The following LRMDA variants were observed in gnomAD, a reference collection of about 807,000 sequenced individuals.
LRMDA encodes leucine-rich melanocyte differentiation-associated protein.
Under a neutral mutation model 29.8 loss-of-function variants are expected in LRMDA, and 18 were observed. The ratio of observed to expected loss-of-function variants is 0.60; its 90% CI spans 0.42 to 0.90. LRMDA has a LOEUF of 0.90. Ranked by LOEUF, LRMDA falls within the 40% of genes least tolerant of loss-of-function variation. LRMDA has a pLI of 0.00. For missense variants in LRMDA, 273 were observed against 273.9 expected, an observed-to-expected ratio of 1.00 and a Z score of 0.02; for synonymous variants, 125 against 109.4, an observed-to-expected ratio of 1.14 and a Z score of -0.89.
At chr10:75,620,933 A>C (rs1294087944) in intron 2 of LRMDA, among the ~76,000 whole-genome samples, 1 of 152,138 alleles carries the variant, frequency 6.6e-6, no homozygotes, top group Non-Finnish European at 1.5e-5. Flanking sequence ...TTTGGTGCAC[A>C]CATCACCTGA....
intron 2 of LRMDA, among the ~76,000 whole-genome samples, chr10:75,523,917 G>C (rs1019383197): frequency 1.3e-5 from 2 of 152,112 alleles, no homozygotes; most frequent in African/African-American, 4.8e-5. Flanking sequence ...ATCTGAAAAC[G>C]TGGAGTTGGA....
intron 2 of LRMDA, among the ~76,000 whole-genome samples, chr10:75,632,647 C>T (rs2132113883): frequency 6.6e-6 from 1 of 152,038 alleles, no homozygotes; most frequent in Non-Finnish European, 1.5e-5. Flanking sequence ...CTTTTTTTCC[C>T]TGATATGTGC....
chr10:76,559,629 G>A lies in LRMDA; in HGVS notation c.*2341G>A, dbSNP rs1212319211. On this transcript the variant is annotated 3_prime_UTR_variant, in exon 7 of 7. Transcript: ENST00000611255. Reference sequence around the variant, plus strand: ...GGCAGAGGTAGAACCCATGTTGCATGTTTATCCTAAATCTGTAGGAATTTC... The same window carrying A: ...GGCAGAGGTAGAACCCATGTTGCATATTTATCCTAAATCTGTAGGAATTTC... The A allele has an allele frequency of 2.6e-5, 4 of 152,202 alleles. No homozygotes were observed. Among genetic ancestry groups the A allele is most frequent in the Non-Finnish European group, 5.9e-5 (4 of 68,032 alleles). 9.4% of individuals were successfully genotyped at this position (152,202 alleles called of 1,614,324 possible).
At chr10:76,532,191 G>A (rs574558642) in intron 6 of LRMDA, among the ~76,000 whole-genome samples, 4 of 151,848 alleles carry the variant, frequency 2.6e-5, no homozygotes, top group Admixed American at 6.6e-5. Flanking sequence ...CATACCCCCC[G>A]ACAGGCCCTG....
At chr10:75,721,866 A>G (rs1040790913) in intron 2 of LRMDA, among the ~76,000 whole-genome samples, 2 of 152,232 alleles carry the variant, frequency 1.3e-5, no homozygotes, top group Non-Finnish European at 2.9e-5. Context: ...TGCTTTTTGC[A>G]TAGATCTTCG....
At chr10:76,319,773 C>T (rs532449553) in intron 5 of LRMDA, among the ~76,000 whole-genome samples, 1 of 152,094 alleles carries the variant, frequency 6.6e-6, no homozygotes, top group Admixed American at 6.5e-5. Context: ...TTTCCCAGAC[C>T]CAGGATCACT....
In LRMDA at chr10:76,208,521, C is replaced by A. The variant is rs572310385; in HGVS notation, c.517-115880C>A. Among the ~76,000 whole-genome samples, 21 of 152,318 alleles carry A rather than the reference C, an allele frequency of 1.4e-4. No homozygotes were observed. The South Asian group carries it at 4.1e-3, about 30-fold the overall frequency. On this transcript the variant is annotated intron_variant, in intron 5 of 6. Coordinates refer to ENST00000611255, the MANE Select transcript of LRMDA (RefSeq NM_001305581.2). ...AGTGGAACTGAATTCTACCAGCAAC[C>A]TGACTGGGGCTAAGAAGGGACAGAT...
intron 2 of LRMDA, among the ~76,000 whole-genome samples, chr10:75,568,528 CTG>C (rs764876748): frequency 3.9e-5 from 6 of 152,178 alleles, no homozygotes; most frequent in Non-Finnish European, 7.3e-5. Flanking sequence ...CAAGAGAACA[CTG>C]TGGTAAGAAG....
intron 6 of LRMDA, among the ~76,000 whole-genome samples, chr10:76,371,994 T>A (rs1841460066): frequency 6.6e-6 from 1 of 152,220 alleles, no homozygotes; most frequent in Non-Finnish European, 1.5e-5. Flanking sequence ...GGGTGCTTTG[T>A]CTTGTACTTG....
rs189008309 is a variant in LRMDA, at chr10:75,589,296, T to C, written c.131+150802T>C. On this transcript the variant is annotated intron_variant, in intron 2 of 6. Transcript: ENST00000611255. ...TATTAAACTTTTGGATTTGGGCCAATATGATAGGTAAAAGAATGTTTTCTT... is the reference window on the plus strand; with the variant it reads ...TATTAAACTTTTGGATTTGGGCCAACATGATAGGTAAAAGAATGTTTTCTT... Among the ~76,000 whole-genome samples the C allele has an allele frequency of 6.6e-5, 10 of 152,318 alleles. 1 individual carries two copies. The highest frequency in any genetic ancestry group is 2.4e-4 in the African/African-American group (10 of 41,582).
At chr10:75,608,746 T>TG (rs1392546942) in intron 2 of LRMDA, among the ~76,000 whole-genome samples, 1 of 152,124 alleles carries the variant, frequency 6.6e-6, no homozygotes, top group Non-Finnish European at 1.5e-5. Context: ...AACTGTGAAG[T>TG]GGGGGGCATA....
intron 2 of LRMDA, among the ~76,000 whole-genome samples, chr10:75,546,973 G>T (rs1458685628): frequency 6.6e-6 from 1 of 152,166 alleles, no homozygotes; most frequent in African/African-American, 2.4e-5. Flanking sequence ...GAAAGTGGTG[G>T]AGCTAGGATT....
intron 6 of LRMDA, among the ~76,000 whole-genome samples, chr10:76,455,646 C>T (rs1369583952): frequency 2.0e-5 from 3 of 152,152 alleles, no homozygotes; most frequent in African/African-American, 7.2e-5. Context: ...CAAATCTTAT[C>T]ACTTCTCTGG....
chr10:76,215,166 C>G (rs1391395244), intron 5 of LRMDA, among the ~76,000 whole-genome samples: 1 of 152,186 alleles, frequency 6.6e-6, no homozygotes, highest in Non-Finnish European at 1.5e-5. Context: ...AGCTGTTTCT[C>G]TCATCAGTTT....
intron 2 of LRMDA, among the ~76,000 whole-genome samples, chr10:75,671,844 CTCT>C (rs1841895066): frequency 6.6e-6 from 1 of 152,142 alleles, no homozygotes; most frequent in Admixed American, 6.5e-5. Flanking sequence ...TCCTATCCCA[CTCT>C]TCTTTCAAGA....
chr10:75,908,426 G>T (rs1845793471), intron 2 of LRMDA, among the ~76,000 whole-genome samples: 1 of 152,126 alleles, frequency 6.6e-6, no homozygotes, highest in Admixed American at 6.5e-5. Context: ...TTGGCAGTCT[G>T]GTTTGTGATG....
intron 2 of LRMDA, among the ~76,000 whole-genome samples, chr10:75,747,769 G>A (rs993563665): frequency 6.6e-6 from 1 of 152,176 alleles, no homozygotes; most frequent in East Asian, 1.9e-4. Context: ...AAGAAGTCAA[G>A]TAGCTTTCCC....
chr10:76,069,115 G>A (rs919172659), intron 5 of LRMDA, among the ~76,000 whole-genome samples: 2 of 152,178 alleles, frequency 1.3e-5, no homozygotes, highest in African/African-American at 4.8e-5. Flanking sequence ...CCTCTGGGAG[G>A]TGTGTTTTTG....
intron 1 of LRMDA, 148 bp downstream of exon 1, chr10:75,431,902 C>A: frequency 1.2e-6 from 1 of 804,278 alleles, no homozygotes; most frequent in Non-Finnish European, 1.7e-6. Context: ...TGCTCAGGCT[C>A]GCCCTAGTGG....
Sources: gnomAD v4.1 joint callset for allele counts (sites outside exome capture counted in the v4.1 genomes callset) on GRCh38, gnomAD v4.1.1 for gene constraint, MANE v1.5 for transcripts, NCBI Gene and HGNC (gene_info 2026-07-23, HGNC 2026-07-21) for gene names.